The following BRAF variants were observed in gnomAD, a reference collection of about 807,000 sequenced individuals.
BRAF encodes B-Raf proto-oncogene, serine/threonine kinase.
A neutral mutation model predicts 104.6 loss-of-function variants in BRAF; 16 were observed. That is an observed-to-expected ratio of 0.15 (90% CI 0.10 to 0.23). The LOEUF (loss-of-function observed/expected upper bound fraction) is 0.23, where lower values mean the gene tolerates loss of function less well. Ranked by LOEUF, BRAF falls within the 10% of genes least tolerant of loss-of-function variation. BRAF has a pLI of 1.00. For synonymous variants in BRAF, 310 were observed against 341.6 expected (o/e 0.91, Z 1.02); for missense variants, 541 against 937.3 (o/e 0.58, Z 5.52).
chr7:140,895,209 A>G (rs1280359441), intron 1 of BRAF, among the ~76,000 whole-genome samples: 2 of 152,192 alleles, frequency 1.3e-5, no homozygotes, highest in Non-Finnish European at 2.9e-5. Flanking sequence ...AAATAGATCA[A>G]TGTAGGAAAA....
chr7:140,783,854 G>C (rs1207234465), intron 10 of BRAF, among the ~76,000 whole-genome samples: 2 of 152,212 alleles, frequency 1.3e-5, no homozygotes, highest in African/African-American at 4.8e-5. Flanking sequence ...TTGTAAGTGA[G>C]AGCTTTGTTA....
chr7:140,891,933 T>C (rs970307445), intron 1 of BRAF, among the ~76,000 whole-genome samples: 3 of 152,130 alleles, frequency 2.0e-5, no homozygotes, highest in African/African-American at 7.2e-5. Flanking sequence ...CAATGTTCCA[T>C]AGTCAAGGAA....
Position 140,719,629 on chromosome 7 carries a change from A to C in BRAF, c.*6865T>G. The C allele has an allele frequency of 9.4e-7, 1 of 1,063,194 alleles. No homozygotes were observed. Among genetic ancestry groups the C allele is most frequent in the South Asian group, 4.6e-5 (1 of 21,954 alleles). 65.9% of individuals were successfully genotyped at this position (1,063,194 alleles called of 1,614,324 possible). On this transcript the variant is annotated 3_prime_UTR_variant, in exon 20 of 20. Transcript: ENST00000644969. The stretch of plus-strand genomic sequence containing the variant: ...GGTATGGGGGAGAATTAAAAAAAAT[A>C]ATAAAAGATTCAAGCAAACATTGAG...
At chr7:140,920,413 T>A (rs1253153737) in intron 1 of BRAF, among the ~76,000 whole-genome samples, 3 of 152,128 alleles carry the variant, frequency 2.0e-5, no homozygotes, top group African/African-American at 7.2e-5. Context: ...AGGAACCTAT[T>A]CCCTCCCTCT....
intron 2 of BRAF, among the ~76,000 whole-genome samples, chr7:140,847,209 T>C (rs906270355): frequency 4.6e-5 from 7 of 152,104 alleles, no homozygotes; most frequent in Non-Finnish European, 7.4e-5. Context: ...AACTCATTTA[T>C]ATGTTCATTG....
At chr7:140,874,145 G>A (rs1184157268) in intron 1 of BRAF, among the ~76,000 whole-genome samples, 3 of 151,764 alleles carry the variant, frequency 2.0e-5, no homozygotes, top group Admixed American at 2.0e-4. Flanking sequence ...TAGACGATTG[G>A]GATAGAGGAC....
intron 1 of BRAF, among the ~76,000 whole-genome samples, chr7:140,856,953 A>G (rs1809851476): frequency 1.3e-5 from 2 of 152,210 alleles, no homozygotes; most frequent in African/African-American, 4.8e-5. Context: ...TGAATCAAGA[A>G]GTAATATCAA....
At chr7:140,727,513 A>G (rs1463164276) in intron 19 of BRAF, among the ~76,000 whole-genome samples, 8 of 151,872 alleles carry the variant, frequency 5.3e-5, no homozygotes, top group Admixed American at 3.3e-4. Flanking sequence ...CATTTTGTCC[A>G]TAGTTTCTAC....
Position 140,736,588 on chromosome 7 carries a change from T to C in BRAF, c.2248-1818A>G, listed in dbSNP as rs542621234. ...GATTACAGGCATGTGCCACCACGCC[T>C]GGCTAATTTTGTATTCTTAGTAGAG... On this transcript the variant is annotated intron_variant, in intron 18 of 19. Coordinates refer to ENST00000644969, the MANE Select transcript of BRAF (RefSeq NM_001374258.1). 1.1e-4 allele frequency among the ~76,000 whole-genome samples: 16 copies of C among 151,824 alleles called. No individual in the cohort carries two copies. The South Asian group carries it at 1.5e-3, about 14-fold the overall frequency.
intron 3 of BRAF, among the ~76,000 whole-genome samples, chr7:140,831,526 CTACAAAT>C (rs1806744765): frequency 6.6e-6 from 1 of 152,180 alleles, no homozygotes; most frequent in South Asian, 2.1e-4. Context: ...GGAATAAATG[CTACAAAT>C]TATTTGTTCC....
At chr7:140,818,351 T>C (rs1421033996) in intron 3 of BRAF, among the ~76,000 whole-genome samples, 2 of 151,748 alleles carry the variant, frequency 1.3e-5, no homozygotes, top group Non-Finnish European at 2.9e-5. Flanking sequence ...CTTGCTCTGT[T>C]GCCCAGCCTG....
At chr7:140,753,638 GC>G (rs1350211176) in intron 15 of BRAF, 1 of 387,142 alleles carries the variant, frequency 2.6e-6, no homozygotes, top group Admixed American at 3.9e-5. Context: ...GAGGTGAGAT[GC>G]TTTCCTAAGT....
intron 5 of BRAF, among the ~76,000 whole-genome samples, chr7:140,803,948 G>C (rs1339434505): frequency 6.6e-6 from 1 of 152,122 alleles, no homozygotes; most frequent in Non-Finnish European, 1.5e-5. Flanking sequence ...ACAGTGGCAG[G>C]ATCTCGGCCC....
At chr7:140,923,216 A>C (rs182005170) in intron 1 of BRAF, among the ~76,000 whole-genome samples, 2 of 152,292 alleles carry the variant, frequency 1.3e-5, no homozygotes, top group East Asian at 3.9e-4. Context: ...TGCAGAGAGA[A>C]TGAGATGTTA....
At chr7:140,732,825 A>G (rs1029569300) in intron 19 of BRAF, 4 of 152,224 alleles carry the variant, frequency 2.6e-5, no homozygotes, top group Non-Finnish European at 5.9e-5. Context: ...GTGCCTCAAA[A>G]TGGCCAAACA....
At chr7:140,844,078 GTCTAACC>G (rs1194656454) in intron 2 of BRAF, among the ~76,000 whole-genome samples, 7 of 152,020 alleles carry the variant, frequency 4.6e-5, no homozygotes, top group African/African-American at 1.7e-4. Flanking sequence ...AGCCTGTGCA[GTCTAACC>G]CTAGCCAACA....
In BRAF at chr7:140,722,861, C is replaced by A. The variant is rs1263647022; in HGVS notation, c.*3633G>T. 9.5e-7 allele frequency: 1 copy of A among 1,054,538 alleles called. No individual in the cohort carries two copies. The highest frequency in any genetic ancestry group is 5.3e-5 in the East Asian group (1 of 18,720). 65.3% of individuals were successfully genotyped at this position (1,054,538 alleles called of 1,614,324 possible). On this transcript the variant is annotated 3_prime_UTR_variant, in exon 20 of 20. Transcript: ENST00000644969. ...TAAGATTCTGAAACGTACCCCTAAA[C>A]CGGTTCTGGCACCACTTTCAACAAC...
chr7:140,809,635 C>T (rs1804018381), intron 3 of BRAF, among the ~76,000 whole-genome samples: 1 of 152,126 alleles, frequency 6.6e-6, no homozygotes, highest in Admixed American at 6.5e-5. Flanking sequence ...TGGTCCAGGG[C>T]TATATATATG....
Position 140,726,068 on chromosome 7 carries a change from G to A in BRAF, c.*426C>T. 1 of 1,080,040 alleles carries A rather than the reference G, an allele frequency of 9.3e-7. No homozygotes were observed. The highest frequency in any genetic ancestry group is 1.6e-5 in the African/African-American group (1 of 61,540). The allele number at this position is 1,080,040 out of a possible 1,614,324, so 66.9% of individuals were successfully genotyped here. On this transcript the variant is annotated 3_prime_UTR_variant, in exon 20 of 20. Coordinates refer to ENST00000644969, the MANE Select transcript of BRAF (RefSeq NM_001374258.1). ...ATTCCAGAACAGGAAAGAGAACGATGCTTGGTGATTGAAACTGCCCCATCA... is the reference window on the plus strand; with the variant it reads ...ATTCCAGAACAGGAAAGAGAACGATACTTGGTGATTGAAACTGCCCCATCA...
Sources: allele counts gnomAD v4.1 joint callset (sites outside exome capture counted in the v4.1 genomes callset), GRCh38; gene constraint gnomAD v4.1.1; transcripts MANE v1.5; gene names NCBI Gene and HGNC (gene_info 2026-07-23, HGNC 2026-07-21).